NRXN1: variants seen among roughly 807,000 people sequenced by gnomAD.
NRXN1 encodes the protein neurexin 1.
NRXN1 carries 39 observed loss-of-function variants against 150.9 expected under a neutral mutation model. The ratio of observed to expected loss-of-function variants is 0.26; its 90% CI spans 0.20 to 0.34. The LOEUF (loss-of-function observed/expected upper bound fraction) is 0.34. Ranked by LOEUF, NRXN1 falls within the 10% of genes least tolerant of loss-of-function variation. The pLI is 1.00. For missense variants in NRXN1, 1,815 were observed against 1,949.9 expected, an observed-to-expected ratio of 0.93 and a Z score of 1.30; for synonymous variants, 924 against 757.0, an observed-to-expected ratio of 1.22 and a Z score of -3.62.
At chr2:50,222,226 C>CT (rs2063953029) in intron 18 of NRXN1, among the ~76,000 whole-genome samples, 1 of 151,984 alleles carries the variant, frequency 6.6e-6, no homozygotes, top group South Asian at 2.1e-4. Context: ...CCTCCTTGGC[C>CT]TACTGCTGCT....
chr2:50,284,370 T>C (rs1174713711), intron 17 of NRXN1, among the ~76,000 whole-genome samples: 1 of 152,194 alleles, frequency 6.6e-6, no homozygotes, highest in African/African-American at 2.4e-5. Flanking sequence ...TGTTCCCCTA[T>C]GGAGGCCTTT....
chr2:50,617,322 C>G (rs1679221491), intron 8 of NRXN1, among the ~76,000 whole-genome samples: 1 of 151,816 alleles, frequency 6.6e-6, no homozygotes, highest in Non-Finnish European at 1.5e-5. Flanking sequence ...GTAGTCCCAG[C>G]TAACTTGGGA....
At chr2:50,105,045 C>T (rs1701451810) in intron 18 of NRXN1, among the ~76,000 whole-genome samples, 1 of 152,126 alleles carries the variant, frequency 6.6e-6, no homozygotes, top group Middle Eastern at 3.4e-3. Flanking sequence ...AATCTAGTTA[C>T]ATTCAATCCA....
At chr2:50,981,105 A>T (rs1023157910) in intron 2 of NRXN1, among the ~76,000 whole-genome samples, 6 of 152,114 alleles carry the variant, frequency 3.9e-5, no homozygotes, top group African/African-American at 1.2e-4. Context: ...TTGAGGCAGG[A>T]ACTATCAGAA....
In NRXN1 at chr2:50,245,433, A is replaced by G. The variant is rs531852427; in HGVS notation, c.3365-8463T>C. 3.3e-5 allele frequency among the ~76,000 whole-genome samples: 5 copies of G among 152,142 alleles called. No individual in the cohort carries two copies. The South Asian group carries it at 1.0e-3, about 32-fold the overall frequency. On this transcript the variant is annotated intron_variant, in intron 17 of 22. Transcript: ENST00000401669. ...CTTCTGAAACTAGGCTCCCTCCAGC[A>G]GTAGGTGAACTTTATTAAAAAGTCT...
chr2:49,977,967 T>A (rs1679275300), intron 21 of NRXN1, among the ~76,000 whole-genome samples: 1 of 151,994 alleles, frequency 6.6e-6, no homozygotes, highest in Non-Finnish European at 1.5e-5. Context: ...ATTGACACCA[T>A]CCTGGCCAAC....
intron 21 of NRXN1, among the ~76,000 whole-genome samples, chr2:50,011,886 T>C (rs1250889189): frequency 6.6e-6 from 1 of 152,032 alleles, no homozygotes; most frequent in Non-Finnish European, 1.5e-5. Flanking sequence ...AAATTGAGGC[T>C]CAAACAAATG....
At chr2:50,393,992 G>C (rs776900020) in intron 17 of NRXN1, among the ~76,000 whole-genome samples, 6 of 152,110 alleles carry the variant, frequency 3.9e-5, no homozygotes, top group Non-Finnish European at 7.4e-5. Context: ...TGACACGGTA[G>C]ATTATTCTCT....
chr2:50,725,433 T>C (rs547103716), intron 5 of NRXN1, among the ~76,000 whole-genome samples: 45 of 151,954 alleles, frequency 3.0e-4, no homozygotes, highest in Non-Finnish European at 4.7e-4. Context: ...GGGTAGCTCT[T>C]GGCAAAGTTC....
In NRXN1 at chr2:50,334,192, A is replaced by ATTTTATATATAT. The variant is rs1553457970; in HGVS notation, c.3365-97223_3365-97222insATATATATAAAA. On this transcript the variant is annotated intron_variant, in intron 17 of 22. Coordinates refer to ENST00000401669, the MANE Select transcript of NRXN1 (RefSeq NM_001330078.2). The stretch of plus-strand genomic sequence containing the variant: ...CTGCCTTTCCTTAAGACCAGGACCA[A>ATTTTATATATAT]ATATATATATATATATATATGTATG... Among the ~76,000 whole-genome samples, 60 of 118,928 alleles carry ATTTTATATATAT rather than the reference A, an allele frequency of 5.0e-4. 1 individual carries two copies. The highest frequency in any genetic ancestry group is 1.3e-3 in the South Asian group (5 of 3,820). The allele number at this position is 118,928 out of a possible 152,430, so 78.0% of individuals were successfully genotyped here.
At chr2:50,321,416 C>T (rs2076030249) in intron 17 of NRXN1, among the ~76,000 whole-genome samples, 1 of 152,134 alleles carries the variant, frequency 6.6e-6, no homozygotes, top group Non-Finnish European at 1.5e-5. Context: ...AAATAAACTG[C>T]AGTTCGTGTC....
intron 17 of NRXN1, among the ~76,000 whole-genome samples, chr2:50,241,183 A>T (rs1205991232): frequency 6.6e-6 from 1 of 151,432 alleles, no homozygotes; most frequent in Non-Finnish European, 1.5e-5. Context: ...TCATCACCAT[A>T]AAACATCTAG....
intron 17 of NRXN1, among the ~76,000 whole-genome samples, chr2:50,374,725 C>A (rs1339792262): frequency 6.6e-6 from 1 of 152,054 alleles, no homozygotes; most frequent in East Asian, 1.9e-4. Context: ...AAATTTTTAA[C>A]AGTTAATATC....
rs1011186008 is a variant in NRXN1 at position 50,909,794 on chromosome 2, A to G, written c.832+12075T>C. Among the ~76,000 whole-genome samples the G allele has an allele frequency of 4.6e-5, 7 of 152,130 alleles. No individual in the cohort carries two copies. The East Asian group carries it at 1.4e-3, about 30-fold the overall frequency. On this transcript the variant is annotated intron_variant, in intron 5 of 22. Coordinates refer to ENST00000401669, the MANE Select transcript of NRXN1 (RefSeq NM_001330078.2). ...CTAATGCAGAAAGGCAATTAGGCAAAACAAGTTAAAAGCAAGCTAAGCTTT... is the reference window on the plus strand; with the variant it reads ...CTAATGCAGAAAGGCAATTAGGCAAGACAAGTTAAAAGCAAGCTAAGCTTT...
At chr2:50,714,358 CT>C (rs535149406) in intron 5 of NRXN1, among the ~76,000 whole-genome samples, 4 of 151,936 alleles carry the variant, frequency 2.6e-5, no homozygotes, top group African/African-American at 9.7e-5. Context: ...AGAAATCTGT[CT>C]TTTTTTTCAG....
At chr2:50,410,024 C>A (rs963612966) in intron 17 of NRXN1, among the ~76,000 whole-genome samples, 3 of 152,144 alleles carry the variant, frequency 2.0e-5, no homozygotes, top group African/African-American at 7.2e-5. Context: ...ACCCTTTACT[C>A]CTGCCACATT....
intron 2 of NRXN1, among the ~76,000 whole-genome samples, chr2:50,973,868 GC>G: frequency 6.6e-6 from 1 of 151,810 alleles, no homozygotes; most frequent in East Asian, 1.9e-4. Flanking sequence ...TAGATTTCTG[GC>G]TTTTGTAGTG....
At chr2:50,423,542 T>C (rs2084169338) in intron 17 of NRXN1, among the ~76,000 whole-genome samples, 1 of 152,144 alleles carries the variant, frequency 6.6e-6, no homozygotes, top group East Asian at 1.9e-4. Flanking sequence ...ACCAGTTCCA[T>C]TGCCCTAGAA....
chr2:50,759,018 G>A (rs546126513), intron 5 of NRXN1, among the ~76,000 whole-genome samples: 2 of 151,808 alleles, frequency 1.3e-5, no homozygotes, highest in East Asian at 2.0e-4. Flanking sequence ...ATTAACATGG[G>A]GATTATCTTC....
Sources: gnomAD v4.1 joint callset for allele counts (sites outside exome capture counted in the v4.1 genomes callset) on GRCh38, gnomAD v4.1.1 for gene constraint, MANE v1.5 for transcripts, NCBI Gene and HGNC (gene_info 2026-07-23, HGNC 2026-07-21) for gene names.